Variants in EXOC6B observed in about 807,000 individuals in gnomAD.
EXOC6B encodes exocyst complex component 6B.
A neutral mutation model predicts 113.5 loss-of-function variants in EXOC6B; 54 were observed. The ratio of observed to expected loss-of-function variants is 0.48; its 90% CI spans 0.38 to 0.60. The LOEUF is 0.60. Ranked by LOEUF, EXOC6B falls within the 20% of genes least tolerant of loss-of-function variation. The probability of loss-of-function intolerance (pLI) is 0.00; values close to 1 mark genes in which losing one functional copy is unlikely to be tolerated. For missense variants in EXOC6B, 797 were observed against 977.5 expected (o/e 0.82, Z 2.46); for synonymous variants, 357 against 339.0 (o/e 1.05, Z -0.58).
chr2:72,184,008 C>T (rs776793305), intron 21 of EXOC6B, 67 bp downstream of exon 21: 5 of 922,620 alleles, frequency 5.4e-6, no homozygotes, highest in Non-Finnish European at 8.4e-6. Flanking sequence ...GCAAAATTAT[C>T]TTCTACGCCA....
chr2:72,786,541 T>G (rs1684386802), intron 1 of EXOC6B, among the ~76,000 whole-genome samples: 1 of 152,234 alleles, frequency 6.6e-6, no homozygotes, highest in Non-Finnish European at 1.5e-5. Context: ...AAATAATTGT[T>G]TCTGCTTCTA....
At chr2:72,216,701 C>T (rs1369359289) in intron 20 of EXOC6B, among the ~76,000 whole-genome samples, 1 of 152,090 alleles carries the variant, frequency 6.6e-6, no homozygotes, top group Non-Finnish European at 1.5e-5. Context: ...TACATATACA[C>T]CATGGAAAAC....
At chr2:72,256,706 T>C (rs1683373609) in intron 20 of EXOC6B, among the ~76,000 whole-genome samples, 1 of 152,202 alleles carries the variant, frequency 6.6e-6, no homozygotes, top group African/African-American at 2.4e-5. Context: ...ACCTGCTAAA[T>C]GCAACTTGAG....
At chr2:72,371,725 A>C (rs1421768675) in intron 19 of EXOC6B, among the ~76,000 whole-genome samples, 1 of 152,208 alleles carries the variant, frequency 6.6e-6, no homozygotes, top group African/African-American at 2.4e-5. Flanking sequence ...AGCTAGTATC[A>C]TACTGAATGG....
At chr2:72,805,141 G>A (rs1685512138) in intron 1 of EXOC6B, among the ~76,000 whole-genome samples, 1 of 152,118 alleles carries the variant, frequency 6.6e-6, no homozygotes, top group Non-Finnish European at 1.5e-5. Flanking sequence ...TGTCCTCCTG[G>A]TGCCTAGTTT....
chr2:72,736,600 T>A (rs1680981818), intron 2 of EXOC6B, among the ~76,000 whole-genome samples: 1 of 152,058 alleles, frequency 6.6e-6, no homozygotes, highest in South Asian at 2.1e-4. Flanking sequence ...GTTGAAGGAA[T>A]TTGCAACTTG....
At chr2:72,765,296 T>A (rs886558958) in intron 1 of EXOC6B, among the ~76,000 whole-genome samples, 2 of 151,876 alleles carry the variant, frequency 1.3e-5, no homozygotes, top group Non-Finnish European at 2.9e-5. Flanking sequence ...CAAAAAAAAA[T>A]TTAAAATAAA....
At chr2:72,263,573 T>A (rs1366181083) in intron 20 of EXOC6B, 1 of 152,200 alleles carries the variant, frequency 6.6e-6, no homozygotes, top group Non-Finnish European at 1.5e-5. Context: ...CTGAATCCAC[T>A]GAGAAATCCA....
At chr2:72,504,050 G>A (rs140907455) in intron 11 of EXOC6B, among the ~76,000 whole-genome samples, 219 of 152,168 alleles carry the variant, frequency 1.4e-3, no homozygotes, top group African/African-American at 4.9e-3. Context: ...TGGGACCACA[G>A]GCACATGCAA....
At chr2:72,513,299 T>C (rs1313454007) in intron 10 of EXOC6B, 47 bp from the exon 11 acceptor site, 1 of 1,607,646 alleles carries the variant, frequency 6.2e-7, no homozygotes, top group Non-Finnish European at 8.5e-7. Flanking sequence ...AATTACAGTT[T>C]TATTACTCTC....
intron 1 of EXOC6B, among the ~76,000 whole-genome samples, chr2:72,768,202 A>T (rs2104933815): frequency 6.6e-6 from 1 of 152,022 alleles, no homozygotes; most frequent in East Asian, 1.9e-4. Context: ...ATACAAGTAT[A>T]AATAACATTC....
At chr2:72,386,325 GAGA>G (rs1425722110) in intron 18 of EXOC6B, among the ~76,000 whole-genome samples, 2 of 152,154 alleles carry the variant, frequency 1.3e-5, no homozygotes, top group Non-Finnish European at 2.9e-5. Context: ...CCATTTTCAG[GAGA>G]AGAATTCAAG....
intron 18 of EXOC6B, among the ~76,000 whole-genome samples, chr2:72,395,935 T>C (rs918277621): frequency 3.3e-5 from 5 of 152,228 alleles, no homozygotes; most frequent in Admixed American, 2.0e-4. Context: ...TTGAGAAGTA[T>C]TGTCCATAGG....
At chr2:72,481,299 C>T (rs914521030) in intron 16 of EXOC6B, among the ~76,000 whole-genome samples, 3 of 152,182 alleles carry the variant, frequency 2.0e-5, no homozygotes, top group African/African-American at 4.8e-5. Context: ...TGGACTAATA[C>T]GTCCTAGCAT....
intron 18 of EXOC6B, among the ~76,000 whole-genome samples, chr2:72,417,379 A>G (rs1694593153): frequency 6.6e-6 from 1 of 152,130 alleles, no homozygotes; most frequent in South Asian, 2.1e-4. Flanking sequence ...GCTGGTCTCA[A>G]ACTCCTGACC....
At chr2:72,275,913 G>A (rs1684783657) in intron 20 of EXOC6B, among the ~76,000 whole-genome samples, 1 of 152,154 alleles carries the variant, frequency 6.6e-6, no homozygotes, top group Non-Finnish European at 1.5e-5. Flanking sequence ...AAAGCTGAGA[G>A]GCCACTCGGA....
At chr2:72,314,526 G>C (rs998187577) in intron 20 of EXOC6B, among the ~76,000 whole-genome samples, 1 of 152,136 alleles carries the variant, frequency 6.6e-6, no homozygotes, top group African/African-American at 2.4e-5. Context: ...CGTACCAAAT[G>C]TATCATCATT....
intron 20 of EXOC6B, among the ~76,000 whole-genome samples, chr2:72,258,361 CTTTTTTTTTTT>C (rs967346322): frequency 1.6e-5 from 2 of 124,838 alleles, no homozygotes; most frequent in Non-Finnish European, 3.4e-5. Flanking sequence ...TTATCTTTTT[CTTTTTTTTTTT>C]TTTTTTTTTG....
chr2:72,673,726 T>C (rs143540652), intron 6 of EXOC6B, among the ~76,000 whole-genome samples: 13 of 150,096 alleles, frequency 8.7e-5, no homozygotes, highest in African/African-American at 3.1e-4. Flanking sequence ...ATATATATTA[T>C]TATTTTTATT....
Sources: gnomAD v4.1 joint callset for allele counts (sites outside exome capture counted in the v4.1 genomes callset) on GRCh38, gnomAD v4.1.1 for gene constraint, MANE v1.5 for transcripts, NCBI Gene and HGNC (gene_info 2026-07-23, HGNC 2026-07-21) for gene names.